RAD51B: variants seen among roughly 807,000 people sequenced by gnomAD.
The protein encoded by RAD51B is DNA repair protein RAD51 homolog 2.
Under a neutral mutation model 42.2 loss-of-function variants are expected in RAD51B, and 38 were observed. The observed-to-expected ratio is 0.90, with a 90% CI of 0.70 to 1.18. The LOEUF is 1.18. Among genes scored for constraint, RAD51B ranks in the 50% most tolerant of loss-of-function variants. The pLI, the probability that RAD51B is intolerant of heterozygous loss-of-function variation, is 0.00. For synonymous variants in RAD51B, 154 were observed against 145.2 expected (o/e 1.06, Z -0.43); for missense variants, 373 against 400.7 (o/e 0.93, Z 0.59).
intron 5 of RAD51B, among the ~76,000 whole-genome samples, chr14:67,884,622 C>A (rs11626594): frequency 0.45 from 68,120 of 151,802 alleles, 17,079 homozygotes; most frequent in African/African-American, 0.66. Context: ...TGATTTCCTC[C>A]CTTACCTCAT....
At chr14:68,136,362 G>A (rs61987540) in intron 7 of RAD51B, among the ~76,000 whole-genome samples, 85,125 of 133,524 alleles carry the variant, frequency 0.64, 32,120 homozygotes, top group East Asian at 0.86. Context: ...GGTGGATCAC[G>A]AGGTCAAGAG....
chr14:68,350,830 T>C (rs1408330928), intron 8 of RAD51B, among the ~76,000 whole-genome samples: 1 of 152,200 alleles, frequency 6.6e-6, no homozygotes, highest in Non-Finnish European at 1.5e-5. Flanking sequence ...AGTGGGATAC[T>C]GGAAGGTAGA....
chr14:68,131,130 C>G (rs1190415596), intron 7 of RAD51B, among the ~76,000 whole-genome samples: 3 of 152,130 alleles, frequency 2.0e-5, no homozygotes, highest in African/African-American at 7.2e-5. Context: ...AAAACTCAAT[C>G]TGTATTTCTA....
intron 10 of RAD51B, among the ~76,000 whole-genome samples, chr14:68,627,870 C>G (rs1892124744): frequency 6.6e-6 from 1 of 152,154 alleles, no homozygotes; most frequent in African/African-American, 2.4e-5. Flanking sequence ...GACACAATGT[C>G]ATCTTTGTAC....
chr14:68,095,097 G>T (rs1358683653), intron 7 of RAD51B, among the ~76,000 whole-genome samples: 1 of 152,066 alleles, frequency 6.6e-6, no homozygotes, highest in Non-Finnish European at 1.5e-5. Flanking sequence ...GCAAGCATAG[G>T]TTTATAATTA....
chr14:68,352,491 A>C (rs1208496905), intron 8 of RAD51B, among the ~76,000 whole-genome samples: 1 of 152,228 alleles, frequency 6.6e-6, no homozygotes, highest in East Asian at 1.9e-4. Flanking sequence ...TGGATTGTAG[A>C]AGTCTCTTCC....
intron 8 of RAD51B, among the ~76,000 whole-genome samples, chr14:68,329,829 A>G (rs2082314641): frequency 6.6e-6 from 1 of 152,058 alleles, no homozygotes; most frequent in Non-Finnish European, 1.5e-5. Context: ...AAAGTACGAA[A>G]AAATGGGCTG....
At chr14:68,416,949 G>A (rs2084575588) in intron 9 of RAD51B, among the ~76,000 whole-genome samples, 1 of 152,134 alleles carries the variant, frequency 6.6e-6, no homozygotes, top group South Asian at 2.1e-4. Flanking sequence ...GGTTGGACAG[G>A]CTTAATGAAA....
At chr14:67,914,228 C>A (rs1595099975) in intron 7 of RAD51B, among the ~76,000 whole-genome samples, 2 of 152,218 alleles carry the variant, frequency 1.3e-5, no homozygotes, top group Admixed American at 1.3e-4. Context: ...AGTGATCCAC[C>A]CACCTTGCCC....
chr14:68,380,911 TG>T (rs1344876370), intron 8 of RAD51B, among the ~76,000 whole-genome samples: 1 of 152,212 alleles, frequency 6.6e-6, no homozygotes. Context: ...ATAAATGAGA[TG>T]GGCACTTCAA....
At chr14:68,149,224 AT>A (rs928590215) in intron 7 of RAD51B, among the ~76,000 whole-genome samples, 7 of 151,366 alleles carry the variant, frequency 4.6e-5, no homozygotes, top group Middle Eastern at 6.8e-3. Flanking sequence ...CCTAACATCA[AT>A]TTTTTTTTCA....
chr14:67,926,698 G>A (rs1047139763), intron 7 of RAD51B, among the ~76,000 whole-genome samples: 3 of 151,434 alleles, frequency 2.0e-5, no homozygotes, highest in African/African-American at 7.3e-5. Context: ...CAAGTAGCTG[G>A]GACAACAGGC....
chr14:68,314,212 A>T (rs1474798576), intron 8 of RAD51B, among the ~76,000 whole-genome samples: 1 of 152,154 alleles, frequency 6.6e-6, no homozygotes, highest in Non-Finnish European at 1.5e-5. Context: ...GAAAATAAGC[A>T]TTCGATAAAA....
chr14:68,553,844 T>C (rs1017246564), intron 10 of RAD51B, among the ~76,000 whole-genome samples: 1 of 152,122 alleles, frequency 6.6e-6, no homozygotes, highest in African/African-American at 2.4e-5. Context: ...ATAATAAGAT[T>C]GCTATAACAC....
intron 10 of RAD51B, among the ~76,000 whole-genome samples, chr14:68,548,287 C>G (rs946331064): frequency 6.6e-6 from 1 of 152,236 alleles, no homozygotes; most frequent in Non-Finnish European, 1.5e-5. Context: ...GCTCACTTGC[C>G]CCCAGGGCCC....
intron 7 of RAD51B, among the ~76,000 whole-genome samples, chr14:68,153,067 G>A (rs1442888541): frequency 6.6e-6 from 1 of 152,062 alleles, no homozygotes; most frequent in Non-Finnish European, 1.5e-5. Flanking sequence ...GAACATACAT[G>A]TGCTATGTCT....
intron 8 of RAD51B, among the ~76,000 whole-genome samples, chr14:68,386,007 T>C (rs1260473451): frequency 6.6e-6 from 1 of 152,242 alleles, no homozygotes; most frequent in Non-Finnish European, 1.5e-5. Context: ...TAGCCACTTG[T>C]GGTCACTTAA....
In RAD51B at chr14:68,072,069, A is replaced by ATAT. The variant is rs1305968810; in HGVS notation, c.756+184865_756+184866insTAT. On this transcript the variant is annotated intron_variant, in intron 7 of 10. Transcript: ENST00000471583. ...TATATATAATTATATATATTTATAT[A>ATAT]AATATATAAATATATATAAATATAT... Among the ~76,000 whole-genome samples the ATAT allele has an allele frequency of 3.0e-3, 325 of 107,030 alleles. 5 individuals carry two copies. Among genetic ancestry groups the ATAT allele is most frequent in the South Asian group, 6.4e-3 (24 of 3,726 alleles). The allele number at this position is 107,030 out of a possible 152,430, so 70.2% of individuals were successfully genotyped here.
chr14:68,004,847 A>G (rs966456602), intron 7 of RAD51B, among the ~76,000 whole-genome samples: 2 of 152,010 alleles, frequency 1.3e-5, no homozygotes, highest in Admixed American at 6.5e-5. Flanking sequence ...CTGTATACAG[A>G]TGAAATTATA....
Sources: gnomAD v4.1 joint callset for allele counts (sites outside exome capture counted in the v4.1 genomes callset) on GRCh38, gnomAD v4.1.1 for gene constraint, MANE v1.5 for transcripts, NCBI Gene and HGNC (gene_info 2026-07-23, HGNC 2026-07-21) for gene names.